The following CNTNAP5 variants were observed in gnomAD, a reference collection of about 807,000 sequenced individuals.
CNTNAP5 encodes the protein contactin-associated protein-like 5.
In CNTNAP5, 72 loss-of-function variants were observed where a neutral mutation model predicts 150.2. The observed-to-expected ratio is 0.48, with a 90% CI of 0.40 to 0.58. The LOEUF (loss-of-function observed/expected upper bound fraction) is 0.58. Ranked by LOEUF, CNTNAP5 falls within the 20% of genes least tolerant of loss-of-function variation. CNTNAP5 has a pLI of 0.00. For missense variants in CNTNAP5, 1,636 were observed against 1,626.2 expected (o/e 1.01, Z -0.10); for synonymous variants, 672 against 619.8 (o/e 1.08, Z -1.25).
At chr2:124,733,922 C>T (rs540307314) in intron 13 of CNTNAP5, among the ~76,000 whole-genome samples, 8 of 152,094 alleles carry the variant, frequency 5.3e-5, no homozygotes, top group African/African-American at 1.9e-4. Flanking sequence ...AGTTAAGAGA[C>T]TAGTGTTTGT....
chr2:124,234,396 C>T (rs935220018), intron 2 of CNTNAP5, among the ~76,000 whole-genome samples: 1 of 152,156 alleles, frequency 6.6e-6, no homozygotes, highest in African/African-American at 2.4e-5. Context: ...TATTCACTAG[C>T]AACACGGCTA....
chr2:124,694,467 A>G (rs539382582), intron 13 of CNTNAP5, among the ~76,000 whole-genome samples: 1 of 152,256 alleles, frequency 6.6e-6, no homozygotes, highest in East Asian at 1.9e-4. Flanking sequence ...CATAGTCTGA[A>G]ATGATCTTCA....
intron 3 of CNTNAP5, among the ~76,000 whole-genome samples, chr2:124,413,617 A>G (rs1691836542): frequency 8.4e-6 from 1 of 119,230 alleles, no homozygotes; most frequent in Non-Finnish European, 1.7e-5. Flanking sequence ...CATTCTCAGT[A>G]AACTATCGCA....
chr2:124,051,288 A>G (rs1219895477), intron 1 of CNTNAP5, among the ~76,000 whole-genome samples: 1 of 152,228 alleles, frequency 6.6e-6, no homozygotes, highest in East Asian at 1.9e-4. Flanking sequence ...GCTTGTTTTT[A>G]GATAATGATC....
chr2:124,844,549 G>A (rs1439664376), intron 19 of CNTNAP5, among the ~76,000 whole-genome samples: 1 of 151,510 alleles, frequency 6.6e-6, no homozygotes, highest in Non-Finnish European at 1.5e-5. Context: ...TGATGGTGGT[G>A]TTTTGATGGG....
At chr2:124,886,676 A>G (rs1268873136) in intron 21 of CNTNAP5, among the ~76,000 whole-genome samples, 1 of 152,072 alleles carries the variant, frequency 6.6e-6, no homozygotes, top group Non-Finnish European at 1.5e-5. Context: ...GCTTGATGAT[A>G]TTTACAGTTA....
At chr2:124,863,657 A>T (rs1677570156) in intron 19 of CNTNAP5, among the ~76,000 whole-genome samples, 1 of 152,136 alleles carries the variant, frequency 6.6e-6, no homozygotes, top group South Asian at 2.1e-4. Flanking sequence ...TATATTTGAA[A>T]TGGTCTCTGC....
chr2:124,823,511 T>A (rs1269455103), intron 19 of CNTNAP5, among the ~76,000 whole-genome samples: 2 of 152,176 alleles, frequency 1.3e-5, no homozygotes, highest in Non-Finnish European at 2.9e-5. Context: ...TGTTTAACCT[T>A]GATTTTATTG....
At chr2:124,168,064 CTG>C (rs1252721715) in intron 1 of CNTNAP5, among the ~76,000 whole-genome samples, 2 of 152,178 alleles carry the variant, frequency 1.3e-5, no homozygotes, top group African/African-American at 4.8e-5. Flanking sequence ...CCTCATGAAA[CTG>C]TTGTGAGGAT....
chr2:124,394,608 C>G (rs770734277), intron 3 of CNTNAP5, among the ~76,000 whole-genome samples: 10 of 152,222 alleles, frequency 6.6e-5, no homozygotes, highest in Non-Finnish European at 1.5e-4. Flanking sequence ...TGAGGATTTG[C>G]TATATTCAGG....
intron 1 of CNTNAP5, among the ~76,000 whole-genome samples, chr2:124,177,885 T>G (rs1685107235): frequency 6.6e-6 from 1 of 151,574 alleles, no homozygotes; most frequent in Admixed American, 6.6e-5. Context: ...TTCGCTCTGT[T>G]GCCTAGGCTG....
At chr2:124,782,147 CCT>C (rs1384925389) in intron 17 of CNTNAP5, among the ~76,000 whole-genome samples, 2 of 152,170 alleles carry the variant, frequency 1.3e-5, no homozygotes, top group Non-Finnish European at 2.9e-5. Flanking sequence ...TTATGCGTTT[CCT>C]CTGATTCCAT....
intron 3 of CNTNAP5, among the ~76,000 whole-genome samples, chr2:124,400,669 G>GTTT (rs760418441): frequency 0.14 from 11,510 of 83,000 alleles, 657 homozygotes; most frequent in East Asian, 0.21. Flanking sequence ...TAAAGGCATT[G>GTTT]TTTTTTTTTT....
In CNTNAP5 at chr2:124,707,111, AGG is replaced by A. The variant is rs1229000372; in HGVS notation, c.2078-40117_2078-40116del. Among the ~76,000 whole-genome samples the A allele has an allele frequency of 3.2e-3, 393 of 120,970 alleles. 34 individuals are homozygous for A. The East Asian group carries it at 0.033, about 10-fold the overall frequency. The allele number at this position is 120,970 out of a possible 152,430, so 79.4% of individuals were successfully genotyped here. On this transcript the variant is annotated intron_variant, in intron 13 of 23. Coordinates refer to ENST00000682447, the MANE Select transcript of CNTNAP5 (RefSeq NM_001367498.1). Reference sequence around the variant, plus strand: ...GAAGAAGAAGAAGAGGAAGAAGAAGAGGAAGAAGAAGAAAGAAGAAGAAGAAG... The same window carrying A: ...GAAGAAGAAGAAGAGGAAGAAGAAGAAAGAAGAAGAAAGAAGAAGAAGAAG...
At chr2:124,093,196 G>A (rs1474269461) in intron 1 of CNTNAP5, among the ~76,000 whole-genome samples, 1 of 152,206 alleles carries the variant, frequency 6.6e-6, no homozygotes, top group Non-Finnish European at 1.5e-5. Flanking sequence ...CTGACAACCT[G>A]TGTTGGAATC....
chr2:124,872,906 C>T (rs1677782373), intron 21 of CNTNAP5, among the ~76,000 whole-genome samples: 1 of 152,052 alleles, frequency 6.6e-6, no homozygotes, highest in Admixed American at 6.6e-5. Flanking sequence ...TGAAACTTTA[C>T]AGCAAGGTAC....
intron 4 of CNTNAP5, among the ~76,000 whole-genome samples, chr2:124,424,914 C>CTG (rs1296674669): frequency 6.6e-6 from 1 of 152,180 alleles, no homozygotes; most frequent in East Asian, 1.9e-4. Context: ...ACACTGTTTC[C>CTG]TGATGAATTA....
At chr2:124,889,521 A>T (rs1426809316) in intron 21 of CNTNAP5, among the ~76,000 whole-genome samples, 1 of 152,070 alleles carries the variant, frequency 6.6e-6, no homozygotes, top group Non-Finnish European at 1.5e-5. Flanking sequence ...GTGAGATAGG[A>T]TTCTTAAATA....
intron 16 of CNTNAP5, among the ~76,000 whole-genome samples, chr2:124,766,757 A>G (rs976401673): frequency 1.1e-4 from 17 of 152,228 alleles, no homozygotes; most frequent in Non-Finnish European, 1.5e-4. Flanking sequence ...AACGTATATT[A>G]TTACAAAGTA....
Sources: gnomAD v4.1 joint callset for allele counts (sites outside exome capture counted in the v4.1 genomes callset) on GRCh38, gnomAD v4.1.1 for gene constraint, MANE v1.5 for transcripts, NCBI Gene and HGNC (gene_info 2026-07-23, HGNC 2026-07-21) for gene names.